Variants in ST6GALNAC5 observed in about 807,000 individuals in gnomAD.
ST6GALNAC5 encodes alpha-N-acetylgalactosaminide alpha-2,6-sialyltransferase 5.
Under a neutral mutation model 33.6 loss-of-function variants are expected in ST6GALNAC5, and 27 were observed. The observed-to-expected ratio is 0.80, with a 90% CI of 0.59 to 1.11. The LOEUF (loss-of-function observed/expected upper bound fraction) is 1.11, where lower values mean the gene tolerates loss of function less well. ST6GALNAC5 is among the 50% of genes least tolerant of loss of function. The pLI is 0.00. For synonymous variants in ST6GALNAC5, 194 were observed against 171.2 expected, an observed-to-expected ratio of 1.13 and a Z score of -1.04; for missense variants, 428 against 454.0, an observed-to-expected ratio of 0.94 and a Z score of 0.52.
chr1:77,020,664 G>A (rs901723348), intron 2 of ST6GALNAC5, among the ~76,000 whole-genome samples: 1 of 152,206 alleles, frequency 6.6e-6, no homozygotes, highest in Non-Finnish European at 1.5e-5. Flanking sequence ...GCCTCCCAAA[G>A]TGCTGGGATT....
Position 77,010,895 on chromosome 1 carries a change from A to G in ST6GALNAC5, c.262-33309A>G, listed in dbSNP as rs139051150. Among the ~76,000 whole-genome samples, 729 of 152,352 alleles carry G rather than the reference A, an allele frequency of 4.8e-3. 9 individuals carry two copies. The highest frequency in any genetic ancestry group is 0.044 in the East Asian group (227 of 5,184). ...TCTCCTGAAAATGATATTTGAAAGGAAAGTTGAGCTGCTTCTATCTTCCCA... is the reference window on the plus strand; with the variant it reads ...TCTCCTGAAAATGATATTTGAAAGGGAAGTTGAGCTGCTTCTATCTTCCCA... On this transcript the variant is annotated intron_variant, in intron 2 of 4. Coordinates refer to ENST00000477717, the MANE Select transcript of ST6GALNAC5 (RefSeq NM_030965.3).
At chr1:76,982,249 G>A (rs937587852) in intron 2 of ST6GALNAC5, among the ~76,000 whole-genome samples, 2 of 152,124 alleles carry the variant, frequency 1.3e-5, no homozygotes, top group Non-Finnish European at 2.9e-5. Context: ...CCATCGCAAG[G>A]AAGCTAAAAA....
intron 2 of ST6GALNAC5, among the ~76,000 whole-genome samples, chr1:76,890,601 T>C (rs1653994401): frequency 6.6e-6 from 1 of 151,852 alleles, no homozygotes; most frequent in South Asian, 2.1e-4. Context: ...ACTTGCTTAA[T>C]AAAAACAGAT....
chr1:76,948,608 A>AGAGAGAGAGAGAGAGAGAGG (rs1250230223), intron 2 of ST6GALNAC5, among the ~76,000 whole-genome samples: 3 of 151,552 alleles, frequency 2.0e-5, no homozygotes, highest in Non-Finnish European at 4.4e-5. Flanking sequence ...AGAGAGAGAG[A>AGAGAGAGAGAGAGAGAGAGG]GAGAGAGAGA....
chr1:76,963,047 A>T (rs532242616), intron 2 of ST6GALNAC5, among the ~76,000 whole-genome samples: 1 of 152,148 alleles, frequency 6.6e-6, no homozygotes, highest in Non-Finnish European at 1.5e-5. Context: ...AAATTTGTGC[A>T]TAGGATTACC....
At chr1:77,044,098 A>G (rs778947616) in intron 2 of ST6GALNAC5, 106 bp from the exon 3 acceptor site, 7 of 1,239,912 alleles carry the variant, frequency 5.6e-6, no homozygotes, top group Non-Finnish European at 7.7e-6. Context: ...TGGGGAGGAG[A>G]GAAGAGATGG....
chr1:76,990,600 CT>C (rs1314197446), intron 2 of ST6GALNAC5, among the ~76,000 whole-genome samples: 21 of 152,260 alleles, frequency 1.4e-4, no homozygotes, highest in Admixed American at 6.5e-4. Flanking sequence ...CAGCCTGTGC[CT>C]TCTCCAGACT....
intron 2 of ST6GALNAC5, among the ~76,000 whole-genome samples, chr1:76,872,310 A>G (rs770835118): frequency 2.7e-4 from 41 of 152,140 alleles, no homozygotes; most frequent in Non-Finnish European, 4.6e-4. Context: ...CTCTTATCAC[A>G]GAAGGCCCAC....
At chr1:76,954,811 A>G (rs1232183567) in intron 2 of ST6GALNAC5, among the ~76,000 whole-genome samples, 2 of 152,138 alleles carry the variant, frequency 1.3e-5, no homozygotes, top group Non-Finnish European at 2.9e-5. Flanking sequence ...CTGTGGTCAA[A>G]TGGAGCTGGG....
chr1:76,946,800 C>A (rs2100332048), intron 2 of ST6GALNAC5, among the ~76,000 whole-genome samples: 1 of 152,234 alleles, frequency 6.6e-6, no homozygotes, highest in East Asian at 1.9e-4. Context: ...TAAACACACA[C>A]AGATTTTTAT....
intron 2 of ST6GALNAC5, among the ~76,000 whole-genome samples, chr1:76,960,148 T>C (rs1451926303): frequency 6.6e-6 from 1 of 152,198 alleles, no homozygotes; most frequent in Non-Finnish European, 1.5e-5. Flanking sequence ...ACCCCCGATA[T>C]TTCACGTAGT....
chr1:76,875,243 G>GT (rs111762137), intron 2 of ST6GALNAC5, among the ~76,000 whole-genome samples: 3 of 152,082 alleles, frequency 2.0e-5, no homozygotes, highest in South Asian at 2.1e-4. Context: ...GCAGGTCATG[G>GT]TTTTTTTTCC....
Position 77,063,413 on chromosome 1 carries a change from T to C in ST6GALNAC5, c.*207T>C. 1.7e-6 allele frequency: 1 copy of C among 575,992 alleles called. No individual in the cohort carries two copies. 35.7% of individuals were successfully genotyped at this position (575,992 alleles called of 1,614,324 possible). A position where few individuals can be genotyped will look rare whatever the true frequency, so the allele number is the denominator to read the frequency against. On this transcript the variant is annotated 3_prime_UTR_variant, in exon 5 of 5. Coordinates refer to ENST00000477717, the MANE Select transcript of ST6GALNAC5 (RefSeq NM_030965.3). The stretch of plus-strand genomic sequence containing the variant: ...CGGAATTAATGCATCCTAATGAATG[T>C]TGTCCCCTTCAATGGTGTTACCTTA...
At chr1:77,004,169 T>C (rs1650291748) in intron 2 of ST6GALNAC5, among the ~76,000 whole-genome samples, 1 of 151,906 alleles carries the variant, frequency 6.6e-6, no homozygotes, top group South Asian at 2.1e-4. Context: ...AGTCCCATAT[T>C]TCTTGGAGGC....
rs771708726 is a variant in ST6GALNAC5, at chr1:76,919,139, C to A, written c.261+50397C>A. ...TCTTCCTTGCAGCTGATTGAGTGATCCCTCTGAAGAACAAACATGATTGAT... is the reference window on the plus strand; with the variant it reads ...TCTTCCTTGCAGCTGATTGAGTGATACCTCTGAAGAACAAACATGATTGAT... On this transcript the variant is annotated intron_variant, in intron 2 of 4. Coordinates refer to ENST00000477717, the MANE Select transcript of ST6GALNAC5 (RefSeq NM_030965.3). Among the ~76,000 whole-genome samples, 6 of 152,062 alleles carry A rather than the reference C, an allele frequency of 3.9e-5. 1 individual carries two copies. Among genetic ancestry groups the A allele is most frequent in the Non-Finnish European group, 8.8e-5 (6 of 68,024 alleles).
In ST6GALNAC5 at chr1:76,997,245, G is replaced by A. The variant is rs138229861; in HGVS notation, c.262-46959G>A. Among the ~76,000 whole-genome samples the A allele has an allele frequency of 3.5e-3, 539 of 152,172 alleles. 5 individuals are homozygous for A. The highest frequency in any genetic ancestry group is 0.012 in the African/African-American group (513 of 41,504). On this transcript the variant is annotated intron_variant, in intron 2 of 4. Transcript: ENST00000477717. ...AGAGGATTAGTTTTCACATGTAGGC[G>A]GTACACAGAGTTTGTACAGTTTCGT... is the stretch of plus-strand genomic sequence containing the variant.
intron 2 of ST6GALNAC5, among the ~76,000 whole-genome samples, chr1:76,988,892 A>G (rs1269246620): frequency 6.6e-6 from 1 of 152,148 alleles, no homozygotes; most frequent in Non-Finnish European, 1.5e-5. Flanking sequence ...ATATTGCTCC[A>G]GTTTTTGAAC....
chr1:77,065,768 G>C lies in ST6GALNAC5; in HGVS notation c.*2562G>C, dbSNP rs954544933. 6 of 152,150 alleles carry C rather than the reference G, an allele frequency of 3.9e-5. No individual in the cohort carries two copies. The highest frequency in any genetic ancestry group is 7.3e-5 in the Non-Finnish European group (5 of 68,032). 9.4% of individuals were successfully genotyped at this position (152,150 alleles called of 1,614,324 possible). A position where few individuals can be genotyped will look rare whatever the true frequency, so the allele number is the denominator to read the frequency against. On this transcript the variant is annotated 3_prime_UTR_variant, in exon 5 of 5. Transcript: ENST00000477717. Reference sequence around the variant, plus strand: ...GTGATTTCAGTATCTGATTGTGTTTGATGCCTAAGTCATACTCGTTATGTT... The same window carrying C: ...GTGATTTCAGTATCTGATTGTGTTTCATGCCTAAGTCATACTCGTTATGTT...
chr1:77,006,205 G>C (rs1472344089), intron 2 of ST6GALNAC5, among the ~76,000 whole-genome samples: 9 of 151,912 alleles, frequency 5.9e-5, no homozygotes, highest in Non-Finnish European at 1.3e-4. Flanking sequence ...CCCAGGCTAG[G>C]CTTCAGTGGC....
Sources: gnomAD v4.1 joint callset for allele counts (sites outside exome capture counted in the v4.1 genomes callset) on GRCh38, gnomAD v4.1.1 for gene constraint, MANE v1.5 for transcripts, NCBI Gene and HGNC (gene_info 2026-07-23, HGNC 2026-07-21) for gene names.